NR3C2: variants seen among roughly 807,000 people sequenced by gnomAD.
NR3C2 encodes mineralocorticoid receptor.
A neutral mutation model predicts 86.4 loss-of-function variants in NR3C2; 15 were observed. That is an observed-to-expected ratio of 0.17 (90% confidence interval 0.12 to 0.27). The LOEUF (loss-of-function observed/expected upper bound fraction) is 0.27, where lower values mean the gene tolerates loss of function less well. Among genes scored for constraint, NR3C2 ranks in the 10% least tolerant of loss-of-function variants. The pLI is 1.00. For missense variants in NR3C2, 960 were observed against 1,195.6 expected, an observed-to-expected ratio of 0.80 and a Z score of 2.91; for synonymous variants, 458 against 450.5, an observed-to-expected ratio of 1.02 and a Z score of -0.21.
At chr4:148,355,503 T>C (rs1474451955) in intron 2 of NR3C2, among the ~76,000 whole-genome samples, 5 of 152,142 alleles carry the variant, frequency 3.3e-5, no homozygotes, top group African/African-American at 1.2e-4. Flanking sequence ...ACTTCAATCC[T>C]GGTATAACAT....
chr4:148,242,799 T>G (rs1739123913), intron 3 of NR3C2, among the ~76,000 whole-genome samples: 1 of 152,176 alleles, frequency 6.6e-6, no homozygotes, highest in Non-Finnish European at 1.5e-5. Flanking sequence ...ACAGTTTGCA[T>G]ATATAAGAAG....
At position 148,320,111 on chromosome 4, in the gene NR3C2, T is replaced by C. The variant is rs1014303579; in HGVS notation, c.1758-59994A>G. On this transcript the variant is annotated intron_variant, in intron 2 of 8. Transcript: ENST00000358102. The stretch of plus-strand genomic sequence containing the variant: ...ATGGTTGTTGAATTTTGTCAAAGGC[T>C]TTTTCTGCATCTATTGAGATAATCA... Among the ~76,000 whole-genome samples, 25 of 112,546 alleles carry C rather than the reference T, an allele frequency of 2.2e-4. 2 individuals are homozygous for C. The highest frequency in any genetic ancestry group is 4.1e-3 in the Middle Eastern group (1 of 244). 73.8% of individuals were successfully genotyped at this position (112,546 alleles called of 152,430 possible). A position where few individuals can be genotyped will look rare whatever the true frequency, so the allele number is the denominator to read the frequency against.
intron 3 of NR3C2, among the ~76,000 whole-genome samples, chr4:148,250,174 A>T (rs1222302602): frequency 6.6e-6 from 1 of 152,164 alleles, no homozygotes; most frequent in Non-Finnish European, 1.5e-5. Flanking sequence ...CTATCTAACA[A>T]GTCAAGAAGG....
chr4:148,307,124 A>C (rs779578789), intron 2 of NR3C2, among the ~76,000 whole-genome samples: 1 of 152,022 alleles, frequency 6.6e-6, no homozygotes, highest in Non-Finnish European at 1.5e-5. Flanking sequence ...TTATAATCAA[A>C]CACTAAGAGA....
chr4:148,156,839 T>TA (rs1218357427), intron 4 of NR3C2, among the ~76,000 whole-genome samples: 1 of 152,108 alleles, frequency 6.6e-6, no homozygotes, highest in East Asian at 1.9e-4. Flanking sequence ...CACGCTGTGA[T>TA]AAAGACACAT....
intron 2 of NR3C2, among the ~76,000 whole-genome samples, chr4:148,369,038 A>G (rs1191359632): frequency 6.6e-6 from 1 of 152,300 alleles, no homozygotes; most frequent in African/African-American, 2.4e-5. Context: ...AACACCATTA[A>G]CTACATTCTG....
chr4:148,361,423 G>C (rs1745829761), intron 2 of NR3C2, among the ~76,000 whole-genome samples: 2 of 152,156 alleles, frequency 1.3e-5, no homozygotes, highest in African/African-American at 4.8e-5. Flanking sequence ...CATTAGACAG[G>C]ACTTTGAAGA....
At chr4:148,197,832 A>G (rs1356625666) in intron 3 of NR3C2, among the ~76,000 whole-genome samples, 1 of 152,212 alleles carries the variant, frequency 6.6e-6, no homozygotes, top group East Asian at 1.9e-4. Context: ...TTATACCTAC[A>G]CAAATATATA....
chr4:148,228,876 C>T (rs1738315715), intron 3 of NR3C2, among the ~76,000 whole-genome samples: 1 of 152,166 alleles, frequency 6.6e-6, no homozygotes, highest in Admixed American at 6.5e-5. Context: ...TCCACCACAG[C>T]CAGACTGCCG....
intron 2 of NR3C2, among the ~76,000 whole-genome samples, chr4:148,266,798 C>A (rs1184160571): frequency 1.3e-5 from 2 of 152,084 alleles, no homozygotes; most frequent in Admixed American, 1.3e-4. Context: ...GTTGTCCAGG[C>A]AGGAGATAAT....
At chr4:148,304,334 T>TA (rs1742497948) in intron 2 of NR3C2, among the ~76,000 whole-genome samples, 2 of 139,782 alleles carry the variant, frequency 1.4e-5, no homozygotes, top group Admixed American at 7.2e-5. Context: ...GTTGCTTTTT[T>TA]TTTTTTTTTT....
At chr4:148,254,136 T>TAGCTCAAGTGATGAAAACAGCC (rs1382793024) in intron 3 of NR3C2, among the ~76,000 whole-genome samples, 1 of 152,130 alleles carries the variant, frequency 6.6e-6, no homozygotes, top group East Asian at 1.9e-4. Flanking sequence ...AGGTCATTTC[T>TAGCTCAAGTGATGAAAACAGCC]AGCTCAAGTG....
At chr4:148,203,269 G>T (rs1736823445) in intron 3 of NR3C2, among the ~76,000 whole-genome samples, 1 of 151,488 alleles carries the variant, frequency 6.6e-6, no homozygotes, top group African/African-American at 2.4e-5. Context: ...AACTACCCCG[G>T]TCGATACTCT....
chr4:148,199,237 C>T (rs1736594719), intron 3 of NR3C2, among the ~76,000 whole-genome samples: 2 of 152,072 alleles, frequency 1.3e-5, no homozygotes, highest in East Asian at 3.9e-4. Context: ...TGAGCCAAGA[C>T]AAACGCCATT....
At chr4:148,133,756 G>A (rs1733146537) in intron 6 of NR3C2, among the ~76,000 whole-genome samples, 1 of 152,218 alleles carries the variant, frequency 6.6e-6, no homozygotes, top group Admixed American at 6.5e-5. Flanking sequence ...GCACAATTGT[G>A]CCTCCAAGGC....
chr4:148,303,054 T>A (rs201947128), intron 2 of NR3C2, among the ~76,000 whole-genome samples: 1 of 152,102 alleles, frequency 6.6e-6, no homozygotes, highest in African/African-American at 2.4e-5. Context: ...GTAGAAATAA[T>A]TATTCTTGGT....
At chr4:148,405,220 T>C (rs1243530179) in intron 2 of NR3C2, among the ~76,000 whole-genome samples, 1 of 152,236 alleles carries the variant, frequency 6.6e-6, no homozygotes, top group Non-Finnish European at 1.5e-5. Flanking sequence ...AGTCTCACCA[T>C]AGGGCTACAC....
At chr4:148,126,455 T>G (rs954187498) in intron 6 of NR3C2, among the ~76,000 whole-genome samples, 2 of 152,242 alleles carry the variant, frequency 1.3e-5, no homozygotes, top group African/African-American at 4.8e-5. Flanking sequence ...AAATTATTTC[T>G]ATATAGAAGA....
intron 2 of NR3C2, among the ~76,000 whole-genome samples, chr4:148,337,738 T>C (rs13116551): frequency 0.7 from 105,789 of 152,080 alleles, 37,272 homozygotes; most frequent in Non-Finnish European, 0.76. Context: ...ATATGGTACA[T>C]TTCTAAAATA....
Sources: gnomAD v4.1 joint callset for allele counts (sites outside exome capture counted in the v4.1 genomes callset) on GRCh38, gnomAD v4.1.1 for gene constraint, MANE v1.5 for transcripts, NCBI Gene and HGNC (gene_info 2026-07-23, HGNC 2026-07-21) for gene names.